Variants in MS4A18 observed in about 807,000 individuals in gnomAD.
MS4A18 encodes membrane-spanning 4-domains subfamily A member 18.
In MS4A18, 27 loss-of-function variants were observed where a neutral mutation model predicts 13.1. The observed-to-expected ratio is 2.06, with a 90% CI of 1.52 to 2.84. MS4A18 has a LOEUF of 2.84. Among genes scored for constraint, MS4A18 ranks in the 30% most tolerant of loss-of-function variants. The pLI, the probability that MS4A18 is intolerant of heterozygous loss-of-function variation, is 0.00. For missense variants in MS4A18, 307 were observed against 196.4 expected, an observed-to-expected ratio of 1.56 and a Z score of -3.37; for synonymous variants, 126 against 76.5, an observed-to-expected ratio of 1.65 and a Z score of -3.38.
intron 2 of MS4A18, among the ~76,000 whole-genome samples, chr11:60,734,989 G>A (rs1302447901): frequency 1.3e-5 from 2 of 151,764 alleles, no homozygotes; most frequent in Admixed American, 1.3e-4. Context: ...TGCCATGTTG[G>A]CCAGCCTGGT....
exon 1 of MS4A18, chr11:60,729,331 A>T (rs1170826036): frequency 1.4e-5 from 10 of 702,390 alleles, no homozygotes; most frequent in Non-Finnish European, 2.6e-5. Context: ...CGAACAGGTG[A>T]TTGGAGCCAA....
At chr11:60,735,559 G>A (rs1368569264) in intron 2 of MS4A18, among the ~76,000 whole-genome samples, 2 of 139,864 alleles carry the variant, frequency 1.4e-5, no homozygotes, top group African/African-American at 2.7e-5. Flanking sequence ...CCGTGGTCTC[G>A]ATCTCCTGAC....
chr11:60,742,764 A>G (rs1010862102), intron 5 of MS4A18, among the ~76,000 whole-genome samples: 1 of 152,214 alleles, frequency 6.6e-6, no homozygotes, highest in Non-Finnish European at 1.5e-5. Context: ...CTTTGCCTCT[A>G]AATACCACTT....
At chr11:60,743,689 G>A (rs1853441225) in exon 6 of MS4A18, 1 of 702,876 alleles carries the variant, frequency 1.4e-6, no homozygotes, top group Non-Finnish European at 2.6e-6. Flanking sequence ...TTTCAACCCA[G>A]CCAATACCAC....
upstream of MS4A18, among the ~76,000 whole-genome samples, chr11:60,728,630 C>T (rs556935058): frequency 8.6e-5 from 13 of 151,376 alleles, no homozygotes; most frequent in Middle Eastern, 3.4e-3. Context: ...TCTTTCTCTG[C>T]GTGTGTGTCT....
intron 1 of MS4A18, 96 bp downstream of exon 2, chr11:60,729,882 G>T (rs1853228058): frequency 1.6e-6 from 1 of 617,512 alleles, no homozygotes; most frequent in Non-Finnish European, 2.9e-6. Flanking sequence ...AGAGGGTAAA[G>T]GGGAGGTGGA....
chr11:60,729,934 A>G (rs1012117679), intron 1 of MS4A18, 148 bp downstream of exon 2: 2 of 595,010 alleles, frequency 3.4e-6, no homozygotes, highest in African/African-American at 1.9e-5. Flanking sequence ...ACCCAGTACA[A>G]TCACCCAGAT....
rs1853221277 is a variant in MS4A18 at position 60,729,619 on chromosome 11, C to G, written c.304C>G (p.Gln102Glu). ...GGTGCCTGGAGTGATCCAATACACA[C>G]AGGGAACCACGAATCTCCAGACATG... Residue 102 changes from glutamine to glutamate, a missense_variant, in exon 1 of 6, where the codon CAG (glutamine) becomes GAG (glutamate). Coordinates refer to ENST00000529108, the Ensembl canonical transcript of MS4A18. 3 of 702,794 alleles carry G rather than the reference C, an allele frequency of 4.3e-6. No individual in the cohort carries two copies. In the East Asian group the frequency reaches 8.0e-5, roughly 19 times the overall value. The allele number at this position is 702,794 out of a possible 1,614,324, so 43.5% of individuals were successfully genotyped here. A position where few individuals can be genotyped will look rare whatever the true frequency, so the allele number is the denominator to read the frequency against.
chr11:60,743,819 A>G (rs1565062776), exon 6 of MS4A18: 2 of 702,922 alleles, frequency 2.8e-6, no homozygotes, highest in African/African-American at 3.5e-5. Context: ...AGCCCTGTCA[A>G]CACCACCACC....
At chr11:60,735,798 G>A (rs2134678023) in intron 2 of MS4A18, among the ~76,000 whole-genome samples, 1 of 150,594 alleles carries the variant, frequency 6.6e-6, no homozygotes, top group African/African-American at 2.4e-5. Flanking sequence ...TGAGTAACTG[G>A]GATTACAGGC....
exon 6 of MS4A18, chr11:60,743,668 A>G (rs1447679276): frequency 1.6e-5 from 11 of 702,770 alleles, no homozygotes; most frequent in Non-Finnish European, 2.9e-5. Flanking sequence ...AGTGATTCCA[A>G]CCGTATTCAG....
chr11:60,734,077 C>A (rs899305090), intron 2 of MS4A18, among the ~76,000 whole-genome samples: 9 of 151,960 alleles, frequency 5.9e-5, no homozygotes, highest in Non-Finnish European at 8.8e-5. Flanking sequence ...GACCTCCCCC[C>A]ACCCGCCATC....
chr11:60,733,319 G>A (rs1853284329), intron 1 of MS4A18, among the ~76,000 whole-genome samples: 1 of 152,204 alleles, frequency 6.6e-6, no homozygotes, highest in African/African-American at 2.4e-5. Context: ...GTGATTCTCA[G>A]CCTGAGTGCA....
chr11:60,729,716 A>G (rs1342317024), exon 1 of MS4A18: 7 of 702,806 alleles, frequency 1.0e-5, no homozygotes, highest in Non-Finnish European at 1.6e-5. Flanking sequence ...TCCCAGTGGA[A>G]CACGTCATTT....
intron 3 of MS4A18, among the ~76,000 whole-genome samples, chr11:60,737,833 C>G (rs1203359496): frequency 6.6e-6 from 1 of 152,152 alleles, no homozygotes; most frequent in African/African-American, 2.4e-5. Flanking sequence ...AGAGGGTTTC[C>G]CAATTACCAA....
At position 60,743,631 on chromosome 11, in the gene MS4A18, C is replaced by T. The variant is rs1470605347; in HGVS notation, c.859-19C>T. 1.4e-6 allele frequency: 1 copy of T among 700,022 alleles called. No homozygotes were observed. Among genetic ancestry groups the T allele is most frequent in the East Asian group, 2.7e-5 (1 of 37,272 alleles). 43.4% of individuals were successfully genotyped at this position (700,022 alleles called of 1,614,324 possible). A position where few individuals can be genotyped will look rare whatever the true frequency, so the allele number is the denominator to read the frequency against. On this transcript the variant is annotated intron_variant, in intron 5 of 5. Transcript: ENST00000529108. ...TTACTACAGAGGAAGATGACGACCA[C>T]ATGTCCTTTGTCTTTCAGAATGTGG...
At chr11:60,734,167 G>C (rs1245695218) in intron 2 of MS4A18, among the ~76,000 whole-genome samples, 1 of 152,006 alleles carries the variant, frequency 6.6e-6, no homozygotes, top group Non-Finnish European at 1.5e-5. Flanking sequence ...GAGGTGGAAG[G>C]ATCACCTGAG....
intron 4 of MS4A18, among the ~76,000 whole-genome samples, chr11:60,739,698 C>T (rs984091895): frequency 6.6e-6 from 1 of 152,192 alleles, no homozygotes; most frequent in Non-Finnish European, 1.5e-5. Context: ...CTAGTGCTTC[C>T]AGTCTGCCAT....
chr11:60,726,706 T>C (rs938433036), upstream of MS4A18, among the ~76,000 whole-genome samples: 10 of 146,706 alleles, frequency 6.8e-5, no homozygotes, highest in African/African-American at 2.2e-4. Flanking sequence ...TTTTTTAAGA[T>C]TGGGGTAACA....
Sources: gnomAD v4.1 joint callset for allele counts (sites outside exome capture counted in the v4.1 genomes callset) on GRCh38, gnomAD v4.1.1 for gene constraint, MANE v1.5 for transcripts, NCBI Gene and HGNC (gene_info 2026-07-23, HGNC 2026-07-21) for gene names.